USH1C: variants seen among roughly 807,000 people sequenced by gnomAD.
The protein encoded by USH1C is harmonin.
Under a neutral mutation model 119.3 loss-of-function variants are expected in USH1C, and 90 were observed. The observed-to-expected ratio is 0.75, with a 90% confidence interval of 0.64 to 0.90. The LOEUF (loss-of-function observed/expected upper bound fraction) is 0.90. USH1C is among the 40% of genes least tolerant of loss of function. The probability of loss-of-function intolerance (pLI) is 0.00; values close to 1 mark genes in which losing one functional copy is unlikely to be tolerated. For missense variants in USH1C, 1,165 were observed against 1,167.7 expected, an observed-to-expected ratio of 1.00 and a Z score of 0.03; for synonymous variants, 465 against 443.3, an observed-to-expected ratio of 1.05 and a Z score of -0.62.
chr11:17,510,306 A>T, intron 17 of USH1C, 99 bp downstream of exon 17: 1 of 952,458 alleles, frequency 1.0e-6, no homozygotes, highest in Non-Finnish European at 1.7e-6. Context: ...CTGTGAGGCT[A>T]GTGACGTTTG....
At chr11:17,502,105 C>T (rs914507932) in intron 20 of USH1C, 125 bp from the exon 21 acceptor site, 16 of 957,826 alleles carry the variant, frequency 1.7e-5, no homozygotes, top group Admixed American at 1.5e-4. Context: ...GGAGAAGGCA[C>T]GGCCAGGGTA....
At chr11:17,499,392 G>T (rs1205400416) in intron 23 of USH1C, among the ~76,000 whole-genome samples, 1 of 152,224 alleles carries the variant, frequency 6.6e-6, no homozygotes, top group East Asian at 1.9e-4. Context: ...GAAAGCAGTT[G>T]CCTCTGTGCA....
intron 1 of USH1C, among the ~76,000 whole-genome samples, chr11:17,537,524 C>T (rs1434315326): frequency 6.6e-6 from 1 of 152,208 alleles, no homozygotes; most frequent in Non-Finnish European, 1.5e-5. Context: ...TTGGCCCAGG[C>T]CTGGGTCACC....
chr11:17,509,958 ACAT>A, intron 17 of USH1C, 120 bp from the exon 18 acceptor site: 1 of 1,249,166 alleles, frequency 8.0e-7, no homozygotes, highest in East Asian at 2.4e-5. Flanking sequence ...CACCACCCTT[ACAT>A]CAGAACCATG....
Position 17,501,999 on chromosome 11 carries a change from C to A in USH1C, c.2185-19G>T. On this transcript the variant is annotated intron_variant, in intron 20 of 26. Transcript: ENST00000005226. Reference sequence around the variant, plus strand: ...GGAAATCCTGGAAGCAAAGGGAGGGCTTTAGGGCAACACAGCAGAGGGTCT... The same window carrying A: ...GGAAATCCTGGAAGCAAAGGGAGGGATTTAGGGCAACACAGCAGAGGGTCT... 1 of 1,613,016 alleles carries A rather than the reference C, an allele frequency of 6.2e-7. No individual in the cohort carries two copies. The highest frequency in any genetic ancestry group is 8.5e-7 in the Non-Finnish European group (1 of 1,179,494).
In USH1C at chr11:17,544,327, G is replaced by A. The variant is rs1453218772; in HGVS notation, c.-20C>T. 6.2e-7 allele frequency: 1 copy of A among 1,613,816 alleles called. No homozygotes were observed. The highest frequency in any genetic ancestry group is 1.7e-5 in the Admixed American group (1 of 60,014). ...GTCCATGGCTGGGCCAGGTCCAGCT[G>A]CGTCGTTGCACGACCCGTTCCTTCG... On this transcript the variant is annotated 5_prime_UTR_variant, in exon 1 of 27. Transcript: ENST00000005226.
chr11:17,526,837 G>C (rs371111461), intron 6 of USH1C, 27 bp from the exon 7 acceptor site: 56 of 1,605,960 alleles, frequency 3.5e-5, no homozygotes, highest in Non-Finnish European at 4.3e-5. Flanking sequence ...ATAGATGGGA[G>C]GGTGGTTAGC....
chr11:17,500,896 G>A (rs1849410665), intron 23 of USH1C, among the ~76,000 whole-genome samples, 155 bp downstream of exon 23: 2 of 152,202 alleles, frequency 1.3e-5, no homozygotes, highest in African/African-American at 4.8e-5. Context: ...ATGCCCCCAG[G>A]GATTGGACAG....
At chr11:17,495,705 A>G (rs369872093) in intron 25 of USH1C, 28 bp from the exon 26 acceptor site, 5 of 1,611,668 alleles carry the variant, frequency 3.1e-6, no homozygotes, top group Non-Finnish European at 4.2e-6. Context: ...AGCAAGAAAC[A>G]CAAAACAGGC....
rs141785008 is a variant in USH1C at position 17,537,348 on chromosome 11, G to A, written c.37-4026C>T. ...CAGGTACATACGAAGCACTAGGCAC[G>A]CAGTAAATCTCCCACACTCCTTTCT... On this transcript the variant is annotated intron_variant, in intron 1 of 26. Transcript: ENST00000005226. Among the ~76,000 whole-genome samples, 173 of 152,276 alleles carry A rather than the reference G, an allele frequency of 1.1e-3. 1 individual carries two copies. The highest frequency in any genetic ancestry group is 3.8e-3 in the African/African-American group (158 of 41,560).
At chr11:17,497,962 G>A (rs1565017997) in intron 24 of USH1C, among the ~76,000 whole-genome samples, 200 bp downstream of exon 24, 1 of 152,200 alleles carries the variant, frequency 6.6e-6, no homozygotes, top group Non-Finnish European at 1.5e-5. Context: ...TCCAAGGTCA[G>A]GAATTGACAT....
chr11:17,510,258 G>T, intron 17 of USH1C, 147 bp downstream of exon 17: 6 of 696,320 alleles, frequency 8.6e-6, no homozygotes, highest in Non-Finnish European at 1.3e-5. Context: ...CAAGAGGGGA[G>T]TGGGGTGGTA....
intron 17 of USH1C, among the ~76,000 whole-genome samples, 195 bp downstream of exon 17, chr11:17,510,210 G>T (rs1397553716): frequency 6.6e-6 from 1 of 152,168 alleles, no homozygotes; most frequent in Non-Finnish European, 1.5e-5. Context: ...AGATCACTCT[G>T]GGAGTATACC....
chr11:17,517,354 G>A lies in USH1C; in HGVS notation c.1211-1064C>T, dbSNP rs1332018451. On this transcript the variant is annotated intron_variant, in intron 14 of 26. Transcript: ENST00000005226. Reference sequence around the variant, plus strand: ...CACTGCGGTCAGGAGGAGGCGGGCAGGGTAAAGCAGAGCAGCCAGGCCAGG... The same window carrying A: ...CACTGCGGTCAGGAGGAGGCGGGCAAGGTAAAGCAGAGCAGCCAGGCCAGG... The A allele has an allele frequency of 5.8e-6, 9 of 1,544,344 alleles. No individual in the cohort carries two copies. The Admixed American group carries it at 1.2e-4, about 20-fold the overall frequency.
intron 15 of USH1C, 94 bp downstream of exon 15, chr11:17,516,147 C>T (rs1006947629): frequency 1.9e-5 from 26 of 1,376,566 alleles, no homozygotes; most frequent in Non-Finnish European, 2.5e-5. Flanking sequence ...CAAGTCACAC[C>T]ATTTAGTGTT....
Position 17,494,193 on chromosome 11 carries a change from T to A in USH1C, c.*139A>T. The A allele has an allele frequency of 9.0e-7, 1 of 1,111,900 alleles. No individual in the cohort carries two copies. The highest frequency in any genetic ancestry group is 1.3e-6 in the Non-Finnish European group (1 of 749,754). 68.9% of individuals were successfully genotyped at this position (1,111,900 alleles called of 1,614,324 possible). On this transcript the variant is annotated 3_prime_UTR_variant, in exon 27 of 27. Transcript: ENST00000005226. Reference sequence around the variant, plus strand: ...CGAGCTGTTCCTTATCTGGCCCTGGTTCAGGGCCAAAGGGAGTTTGAGATT... The same window carrying A: ...CGAGCTGTTCCTTATCTGGCCCTGGATCAGGGCCAAAGGGAGTTTGAGATT...
At chr11:17,494,474 G>T in intron 26 of USH1C, 98 bp from the exon 27 acceptor site, 2 of 1,368,030 alleles carry the variant, frequency 1.5e-6, no homozygotes, top group South Asian at 1.2e-5. Context: ...TACCCACTCT[G>T]GCAGCACAAG....
chr11:17,501,684 G>T, intron 21 of USH1C, 149 bp from the exon 22 acceptor site: 1 of 1,004,454 alleles, frequency 1.0e-6, no homozygotes, highest in East Asian at 2.6e-5. Context: ...ACCCCTACTG[G>T]TCTTCAACTG....
chr11:17,525,427 A>T (rs561362924), intron 8 of USH1C, among the ~76,000 whole-genome samples: 2 of 152,390 alleles, frequency 1.3e-5, no homozygotes, highest in East Asian at 3.9e-4. Context: ...AAATAATAAT[A>T]GCTAATATTT....
Sources: allele counts gnomAD v4.1 joint callset (sites outside exome capture counted in the v4.1 genomes callset), GRCh38; gene constraint gnomAD v4.1.1; transcripts MANE v1.5; gene names NCBI Gene and HGNC (gene_info 2026-07-23, HGNC 2026-07-21).